Variants in WWOX observed in about 807,000 individuals in gnomAD.
WWOX encodes WW domain-containing oxidoreductase.
A neutral mutation model predicts 46.2 loss-of-function variants in WWOX; 69 were observed. The observed-to-expected ratio is 1.49, with a 90% CI of 1.23 to 1.82. The LOEUF is 1.82. Among genes scored for constraint, WWOX ranks in the 40% most tolerant of loss-of-function variants. The probability of loss-of-function intolerance (pLI) is 0.00; values close to 1 mark genes in which losing one functional copy is unlikely to be tolerated. For missense variants in WWOX, 919 were observed against 542.6 expected, an observed-to-expected ratio of 1.69 and a Z score of -6.89; for synonymous variants, 359 against 202.6, an observed-to-expected ratio of 1.77 and a Z score of -6.56.
chr16:78,695,836 A>G (rs1053030462), intron 8 of WWOX, among the ~76,000 whole-genome samples: 1 of 152,210 alleles, frequency 6.6e-6, no homozygotes, highest in Non-Finnish European at 1.5e-5. Flanking sequence ...GGTGTGCATC[A>G]GGTACGCTGT....
chr16:78,479,587 C>A (rs2084438388), intron 8 of WWOX, among the ~76,000 whole-genome samples: 1 of 152,108 alleles, frequency 6.6e-6, no homozygotes. Context: ...TAAGACATGT[C>A]CCATTCCCTA....
chr16:78,741,204 T>C (rs971723885), intron 8 of WWOX, among the ~76,000 whole-genome samples: 9 of 152,340 alleles, frequency 5.9e-5, no homozygotes, highest in Non-Finnish European at 1.0e-4. Flanking sequence ...AGAATCTTTA[T>C]TATAATCCTG....
Position 78,858,330 on chromosome 16 carries a change from ATG to A in WWOX, c.1057-353262_1057-353261del, listed in dbSNP as rs34753254. Among the ~76,000 whole-genome samples the A allele has an allele frequency of 4.1e-4, 62 of 149,934 alleles. No homozygotes were observed. In the East Asian group the frequency reaches 5.5e-3, roughly 13 times the overall value. On this transcript the variant is annotated intron_variant, in intron 8 of 8. Transcript: ENST00000566780. Reference sequence around the variant, plus strand: ...ACCCAATATGTAGTCATATATATATATGTGTGTGTGTGTGTGTATGTATATAT... The same window carrying A: ...ACCCAATATGTAGTCATATATATATATGTGTGTGTGTGTGTATGTATATAT...
At chr16:78,949,456 C>T (rs1401138390) in intron 8 of WWOX, among the ~76,000 whole-genome samples, 1 of 152,170 alleles carries the variant, frequency 6.6e-6, no homozygotes, top group Non-Finnish European at 1.5e-5. Context: ...CTGTTGTCCC[C>T]TCCCGTGACA....
chr16:78,660,279 A>G (rs561254622), intron 8 of WWOX, among the ~76,000 whole-genome samples: 2 of 152,266 alleles, frequency 1.3e-5, no homozygotes, highest in African/African-American at 4.8e-5. Flanking sequence ...TGAGCCCATC[A>G]CTAAAATGCA....
chr16:78,853,418 A>G lies in WWOX; in HGVS notation c.1057-358190A>G, dbSNP rs570355068. The stretch of plus-strand genomic sequence containing the variant: ...AGTAGAGACAGGGTTTTGCCACGTT[A>G]ACCAGGCTGGTATTGTTTTCATTAT... On this transcript the variant is annotated intron_variant, in intron 8 of 8. Transcript: ENST00000566780. 2.0e-5 allele frequency among the ~76,000 whole-genome samples: 3 copies of G among 152,146 alleles called. No individual in the cohort carries two copies. In the South Asian group the frequency reaches 6.2e-4, roughly 32 times the overall value.
chr16:78,676,070 C>A (rs1436703857), intron 8 of WWOX, among the ~76,000 whole-genome samples: 1 of 151,846 alleles, frequency 6.6e-6, no homozygotes, highest in Non-Finnish European at 1.5e-5. Flanking sequence ...TCAGAGTAAT[C>A]CAGACGTTAC....
At chr16:79,082,401 C>T (rs2048776963) in intron 8 of WWOX, among the ~76,000 whole-genome samples, 1 of 152,096 alleles carries the variant, frequency 6.6e-6, no homozygotes, top group Non-Finnish European at 1.5e-5. Flanking sequence ...ATGAGAGTTA[C>T]ATCAGGGGAG....
intron 8 of WWOX, among the ~76,000 whole-genome samples, chr16:78,948,532 C>T (rs530680019): frequency 6.6e-6 from 1 of 152,130 alleles, no homozygotes; most frequent in African/African-American, 2.4e-5. Context: ...GCTCTGCTGC[C>T]TGATTGGTAG....
intron 8 of WWOX, among the ~76,000 whole-genome samples, chr16:79,197,717 T>C (rs563513384): frequency 4.7e-4 from 71 of 152,290 alleles, no homozygotes; most frequent in Non-Finnish European, 2.1e-4. Flanking sequence ...TATTTATTTG[T>C]TCCCAATGTT....
At chr16:78,736,832 C>G (rs898221774) in intron 8 of WWOX, among the ~76,000 whole-genome samples, 9 of 152,130 alleles carry the variant, frequency 5.9e-5, no homozygotes, top group South Asian at 2.1e-4. Context: ...TGGTCTCAAA[C>G]TCCTGGGCTC....
chr16:78,834,852 T>A (rs2051933320), intron 8 of WWOX, among the ~76,000 whole-genome samples: 2 of 152,216 alleles, frequency 1.3e-5, no homozygotes, highest in African/African-American at 4.8e-5. Flanking sequence ...TTTTCATGAT[T>A]GTTCGTAATG....
intron 8 of WWOX, among the ~76,000 whole-genome samples, chr16:78,536,544 A>T (rs1027890766): frequency 3.3e-5 from 5 of 152,242 alleles, no homozygotes; most frequent in African/African-American, 1.2e-4. Context: ...GCAACTTCGC[A>T]CCACCCTTAC....
At chr16:78,634,382 G>A (rs551758355) in intron 8 of WWOX, among the ~76,000 whole-genome samples, 1 of 152,170 alleles carries the variant, frequency 6.6e-6, no homozygotes, top group South Asian at 2.1e-4. Flanking sequence ...CAAAAATGCT[G>A]TTTGACTGGG....
rs546593490 is a variant in WWOX at position 79,049,390 on chromosome 16, T to G, written c.1057-162218T>G. On this transcript the variant is annotated intron_variant, in intron 8 of 8. Transcript: ENST00000566780. ...CACAATTGAGTAATGTGGATGAGGC[T>G]GCTCAGGGCTGGCAGTTGTAGGACG... 8.5e-5 allele frequency among the ~76,000 whole-genome samples: 13 copies of G among 152,348 alleles called. No homozygotes were observed. In the South Asian group the frequency reaches 2.7e-3, roughly 32 times the overall value.
chr16:78,634,646 C>T (rs1444912837), intron 8 of WWOX, among the ~76,000 whole-genome samples: 6 of 149,892 alleles, frequency 4.0e-5, no homozygotes, highest in East Asian at 3.9e-4. Context: ...GCGGAGGTTG[C>T]AGTGAGCCAA....
intron 8 of WWOX, among the ~76,000 whole-genome samples, chr16:78,615,452 C>T (rs1174219506): frequency 6.6e-6 from 1 of 152,024 alleles, no homozygotes; most frequent in East Asian, 1.9e-4. Context: ...AATTCAAGAC[C>T]AGGCTGGGCA....
At chr16:78,837,104 G>T (rs1467414512) in intron 8 of WWOX, among the ~76,000 whole-genome samples, 1 of 152,056 alleles carries the variant, frequency 6.6e-6, no homozygotes, top group African/African-American at 2.4e-5. Context: ...AGGGAGGGGG[G>T]AGAAGAAGAA....
intron 5 of WWOX, among the ~76,000 whole-genome samples, chr16:78,312,575 A>G (rs1292090907): frequency 6.6e-6 from 1 of 152,066 alleles, no homozygotes; most frequent in African/African-American, 2.4e-5. Flanking sequence ...GGGTTTCACC[A>G]CGTTGGCTAG....
Sources: allele counts gnomAD v4.1 joint callset (sites outside exome capture counted in the v4.1 genomes callset), GRCh38; gene constraint gnomAD v4.1.1; transcripts MANE v1.5; gene names NCBI Gene and HGNC (gene_info 2026-07-23, HGNC 2026-07-21).